The following CPED1 variants were observed in gnomAD, a reference collection of about 807,000 sequenced individuals.
CPED1 encodes cadherin like and PC-esterase domain containing 1.
CPED1 carries 114 observed loss-of-function variants against 128.2 expected under a neutral mutation model. The observed-to-expected ratio is 0.89, with a 90% CI of 0.76 to 1.04. The LOEUF (loss-of-function observed/expected upper bound fraction) is 1.04, where lower values mean the gene tolerates loss of function less well. Ranked by LOEUF, CPED1 falls within the 50% of genes least tolerant of loss-of-function variation. The probability of loss-of-function intolerance (pLI) is 0.00; values close to 1 mark genes in which losing one functional copy is unlikely to be tolerated. For synonymous variants in CPED1, 462 were observed against 426.7 expected (o/e 1.08, Z -1.02); for missense variants, 1,211 against 1,207.1 (o/e 1.00, Z -0.05).
intron 16 of CPED1, among the ~76,000 whole-genome samples, chr7:121,166,317 T>G (rs754179898): frequency 2.0e-5 from 3 of 152,212 alleles, no homozygotes; most frequent in Non-Finnish European, 4.4e-5. Context: ...ATGGACATAA[T>G]TTATACTTGC....
At chr7:121,176,040 G>A (rs1056748784) in intron 16 of CPED1, among the ~76,000 whole-genome samples, 2 of 151,848 alleles carry the variant, frequency 1.3e-5, no homozygotes, top group African/African-American at 4.8e-5. Context: ...TATACCGCTT[G>A]GTGATTTAGT....
chr7:121,072,492 T>C (rs1452238392), intron 5 of CPED1, among the ~76,000 whole-genome samples: 24 of 152,138 alleles, frequency 1.6e-4, no homozygotes, highest in Admixed American at 1.6e-3. Context: ...TTTTAGTTCC[T>C]AATGCTTTTT....
chr7:121,129,875 C>T (rs1053752951), intron 11 of CPED1, among the ~76,000 whole-genome samples: 4 of 141,848 alleles, frequency 2.8e-5, no homozygotes, highest in Admixed American at 1.4e-4. Context: ...AAGAGAAATC[C>T]GCTTATATTC....
chr7:121,223,699 G>T (rs541803702), intron 16 of CPED1, among the ~76,000 whole-genome samples: 1 of 152,004 alleles, frequency 6.6e-6, no homozygotes, highest in African/African-American at 2.4e-5. Flanking sequence ...AGTTGTATAT[G>T]TCCAGGAATT....
intron 7 of CPED1, among the ~76,000 whole-genome samples, chr7:121,117,294 T>C (rs1284948230): frequency 6.6e-6 from 1 of 151,296 alleles, no homozygotes; most frequent in Non-Finnish European, 1.5e-5. Flanking sequence ...TGAGACGGGG[T>C]TTTGCCATAT....
At chr7:121,124,557 T>A in intron 8 of CPED1, 84 bp downstream of exon 8, 2 of 1,100,678 alleles carry the variant, frequency 1.8e-6, no homozygotes, top group Non-Finnish European at 2.4e-6. Flanking sequence ...AAATGTATCT[T>A]AATTATCATA....
Position 121,027,718 on chromosome 7 carries a change from C to T in CPED1, c.433+11870C>T, listed in dbSNP as rs1400063241. On this transcript the variant is annotated intron_variant, in intron 3 of 22. Transcript: ENST00000310396. ...CTCTGTTGCCAAAGAAAGAATTCCA[C>T]CAACAAGTTAATTATAACCTTTAGT... Among the ~76,000 whole-genome samples, 5 of 147,988 alleles carry T rather than the reference C, an allele frequency of 3.4e-5. 1 individual carries two copies. The highest frequency in any genetic ancestry group is 7.4e-5 in the Non-Finnish European group (5 of 67,454).
chr7:121,053,376 T>C (rs1188636595), intron 4 of CPED1, among the ~76,000 whole-genome samples: 3 of 152,328 alleles, frequency 2.0e-5, no homozygotes, highest in Admixed American at 1.3e-4. Flanking sequence ...TTTTGTGGAA[T>C]GATCCTCAAT....
chr7:121,118,214 C>G (rs1458004110), intron 7 of CPED1, among the ~76,000 whole-genome samples: 2 of 152,116 alleles, frequency 1.3e-5, no homozygotes, highest in Non-Finnish European at 2.9e-5. Context: ...ATGCTGAACT[C>G]TTCTTGTTCT....
intron 17 of CPED1, among the ~76,000 whole-genome samples, chr7:121,243,525 A>G (rs1311106315): frequency 6.6e-6 from 1 of 152,222 alleles, no homozygotes; most frequent in East Asian, 1.9e-4. Flanking sequence ...GTTAGTAACA[A>G]AAGATGAATA....
intron 22 of CPED1, among the ~76,000 whole-genome samples, chr7:121,276,391 C>T (rs919520243): frequency 6.6e-6 from 1 of 152,014 alleles, no homozygotes; most frequent in African/African-American, 2.4e-5. Flanking sequence ...CACTACATTC[C>T]AACTGCCTTG....
At chr7:121,140,070 G>A (rs1795866818) in intron 14 of CPED1, among the ~76,000 whole-genome samples, 1 of 152,034 alleles carries the variant, frequency 6.6e-6, no homozygotes, top group African/African-American at 2.4e-5. Context: ...CTTAACAGTA[G>A]CTGGTGTATG....
rs779561603 is a variant in CPED1 at position 121,100,082 on chromosome 7, C to T, written c.906C>T (p.Arg302=). 5 of 1,613,386 alleles carry T rather than the reference C, an allele frequency of 3.1e-6. No individual in the cohort carries two copies. In the South Asian group the frequency reaches 5.5e-5, roughly 18 times the overall value. Residue 302 remains arginine (R), a synonymous_variant, in exon 7 of 23, where the codon CGC becomes CGT. Coordinates refer to ENST00000310396, the MANE Select transcript of CPED1 (RefSeq NM_024913.5). Reference sequence around the variant, plus strand: ...TTTGGAATCCACCAAAGAAAAAACGCTTCACTGTCAAGGTAAGCTCTCGGT... The same window carrying T: ...TTTGGAATCCACCAAAGAAAAAACGTTTCACTGTCAAGGTAAGCTCTCGGT... ...GTVWNPPKKK[R]FTVKLQTFFE... is the part of the protein sequence containing the mutation.
intron 16 of CPED1, among the ~76,000 whole-genome samples, chr7:121,236,078 G>C (rs1421284231): frequency 6.6e-6 from 1 of 152,146 alleles, no homozygotes; most frequent in Admixed American, 6.5e-5. Flanking sequence ...GGTCCAGCCT[G>C]CGGGTGCAGC....
At chr7:121,262,790 C>T (rs1792047045) in intron 18 of CPED1, among the ~76,000 whole-genome samples, 1 of 152,004 alleles carries the variant, frequency 6.6e-6, no homozygotes, top group Non-Finnish European at 1.5e-5. Context: ...GAATAGGAAT[C>T]ATATAACTGA....
chr7:120,995,575 T>C (rs979107145), intron 2 of CPED1, among the ~76,000 whole-genome samples: 3 of 152,228 alleles, frequency 2.0e-5, no homozygotes, highest in Non-Finnish European at 2.9e-5. Context: ...TACCTTTTTC[T>C]AGAATATTAT....
intron 5 of CPED1, among the ~76,000 whole-genome samples, chr7:121,075,231 C>T (rs535758353): frequency 6.6e-6 from 1 of 152,234 alleles, no homozygotes; most frequent in Non-Finnish European, 1.5e-5. Context: ...ACACAGTTTA[C>T]TGGTCTGACA....
At chr7:121,006,437 A>G (rs74641932) in intron 2 of CPED1, among the ~76,000 whole-genome samples, 1,649 of 152,216 alleles carry the variant, frequency 0.011, 30 homozygotes, top group African/African-American at 0.034. Context: ...GATAGAAAGA[A>G]AATAACTTCT....
intron 2 of CPED1, among the ~76,000 whole-genome samples, chr7:120,993,513 T>C (rs892048982): frequency 1.1e-4 from 17 of 152,208 alleles, no homozygotes; most frequent in African/African-American, 4.1e-4. Context: ...CATAGCCCAG[T>C]GCAAATAAGT....
Sources: allele counts gnomAD v4.1 joint callset (sites outside exome capture counted in the v4.1 genomes callset), GRCh38; gene constraint gnomAD v4.1.1; transcripts MANE v1.5; gene names NCBI Gene and HGNC (gene_info 2026-07-23, HGNC 2026-07-21).